Variants in GALNT18 observed in about 807,000 individuals in gnomAD.
GALNT18 encodes the protein GalNAc-transferase 18.
A neutral mutation model predicts 69.5 loss-of-function variants in GALNT18; 44 were observed. The ratio of observed to expected loss-of-function variants is 0.63; its 90% confidence interval spans 0.50 to 0.81. The LOEUF (loss-of-function observed/expected upper bound fraction) is 0.81, where lower values mean the gene tolerates loss of function less well. Among genes scored for constraint, GALNT18 ranks in the 40% least tolerant of loss-of-function variants. GALNT18 has a pLI of 0.00. For missense variants in GALNT18, 715 were observed against 810.0 expected (o/e 0.88, Z 1.42); for synonymous variants, 364 against 318.2 (o/e 1.14, Z -1.53).
chr11:11,529,796 G>A (rs532327576), intron 1 of GALNT18, among the ~76,000 whole-genome samples: 3 of 152,284 alleles, frequency 2.0e-5, no homozygotes, highest in African/African-American at 7.2e-5. Flanking sequence ...GTCTGTGAGT[G>A]TCTTAGAGAT....
Position 11,494,650 on chromosome 11 carries a change from C to CT in GALNT18, c.236-45715dup, listed in dbSNP as rs1856836042. 1.3e-5 allele frequency among the ~76,000 whole-genome samples: 2 copies of CT among 152,318 alleles called. No individual in the cohort carries two copies. Among genetic ancestry groups the CT allele is most frequent in the Admixed American group, 6.5e-5 (1 of 15,302 alleles). On this transcript the variant is annotated intron_variant, in intron 1 of 10. Transcript: ENST00000227756. The surrounding 1 kb of genome is among the most constrained non-coding windows in gnomAD (Gnocchi z 5.7). ...ACATGAATTTCTACACAGCCTCAGC[C>CT]TTTTTTGCTTTTAAGTGCAGAGGAT...
chr11:11,610,407 TTA>T (rs1320637493), intron 1 of GALNT18, among the ~76,000 whole-genome samples: 2 of 152,216 alleles, frequency 1.3e-5, no homozygotes, highest in East Asian at 3.9e-4. Context: ...ACAGGCCTGC[TTA>T]TGCGGTTAAG....
rs990083590 is a variant in GALNT18 at position 11,511,173 on chromosome 11, G to A, written c.236-62237C>T. 3.3e-5 allele frequency among the ~76,000 whole-genome samples: 5 copies of A among 152,148 alleles called. No homozygotes were observed. Among genetic ancestry groups the A allele is most frequent in the African/African-American group, 7.2e-5 (3 of 41,434 alleles). On this transcript the variant is annotated intron_variant, in intron 1 of 10. Coordinates refer to ENST00000227756, the MANE Select transcript of GALNT18 (RefSeq NM_198516.3). The surrounding 1 kb of genome is among the most constrained non-coding windows in gnomAD (Gnocchi z 4.9). ...CCTTTTGGACTGAATGAGGTTTCTCGCTGTGAATAATGGCATTGAAGTATT... is the reference window on the plus strand; with the variant it reads ...CCTTTTGGACTGAATGAGGTTTCTCACTGTGAATAATGGCATTGAAGTATT...
chr11:11,283,396 C>T (rs1356437556), intron 10 of GALNT18, among the ~76,000 whole-genome samples: 1 of 152,192 alleles, frequency 6.6e-6, no homozygotes, highest in Non-Finnish European at 1.5e-5. Context: ...ATCTGCCTGC[C>T]TCAGCCTCCC....
chr11:11,512,724 G>C (rs549905387), intron 1 of GALNT18, among the ~76,000 whole-genome samples: 1 of 152,156 alleles, frequency 6.6e-6, no homozygotes, highest in African/African-American at 2.4e-5. Flanking sequence ...AGAGTCTGGC[G>C]GCACCTGAGG....
chr11:11,492,379 G>A (rs544375467), intron 1 of GALNT18, among the ~76,000 whole-genome samples: 1 of 152,338 alleles, frequency 6.6e-6, no homozygotes, highest in South Asian at 2.1e-4. Context: ...TGCCATAGAA[G>A]CTGAGAATGC....
chr11:11,507,773 A>G (rs1857093466), intron 1 of GALNT18, among the ~76,000 whole-genome samples: 1 of 152,190 alleles, frequency 6.6e-6, no homozygotes, highest in Admixed American at 6.5e-5. Flanking sequence ...GAGTCAGTGG[A>G]CTGGGAAAGG....
rs532962139 is a variant in GALNT18, at chr11:11,602,121, C to T, written c.235+19238G>A. On this transcript the variant is annotated intron_variant, in intron 1 of 10. Coordinates refer to ENST00000227756, the MANE Select transcript of GALNT18 (RefSeq NM_198516.3). This position sits in a 1 kb window ranked among gnomAD's most constrained non-coding sequence, Gnocchi z 4.7. The stretch of plus-strand genomic sequence containing the variant: ...CTATCCCTGGGCAGAATATCTATAC[C>T]ACTGCTCTGGAGTTGTAAGTAGGAA... Among the ~76,000 whole-genome samples the T allele has an allele frequency of 6.6e-5, 10 of 152,248 alleles. No homozygotes were observed. In the East Asian group the frequency reaches 1.9e-3, roughly 29 times the overall value.
chr11:11,476,628 C>CT (rs774619780), intron 1 of GALNT18, among the ~76,000 whole-genome samples: 5 of 152,130 alleles, frequency 3.3e-5, no homozygotes, highest in East Asian at 1.9e-4. Flanking sequence ...TCAGGAAACT[C>CT]TTTTTCTGAA....
At chr11:11,508,189 T>C (rs1857103046) in intron 1 of GALNT18, among the ~76,000 whole-genome samples, 1 of 152,238 alleles carries the variant, frequency 6.6e-6, no homozygotes, top group Non-Finnish European at 1.5e-5. Context: ...TTGCTTGTTA[T>C]ATATCTTTTT....
intron 1 of GALNT18, among the ~76,000 whole-genome samples, chr11:11,548,384 A>G (rs1248398142): frequency 1.3e-5 from 2 of 152,218 alleles, no homozygotes; most frequent in Non-Finnish European, 2.9e-5. Flanking sequence ...ACAAGGAAAC[A>G]TCTTTCCAAC....
chr11:11,368,754 T>A (rs890806660), intron 6 of GALNT18, among the ~76,000 whole-genome samples: 1 of 152,250 alleles, frequency 6.6e-6, no homozygotes, highest in African/African-American at 2.4e-5. Context: ...CTCTTCTTTT[T>A]CTAAGTATAT....
At chr11:11,579,091 C>T (rs1265805437) in intron 1 of GALNT18, among the ~76,000 whole-genome samples, 2 of 152,220 alleles carry the variant, frequency 1.3e-5, no homozygotes, top group Non-Finnish European at 2.9e-5. Flanking sequence ...AGCACCCCAG[C>T]AGACACATAG....
intron 6 of GALNT18, among the ~76,000 whole-genome samples, chr11:11,350,249 C>T (rs966461944): frequency 6.6e-6 from 1 of 152,212 alleles, no homozygotes; most frequent in Non-Finnish European, 1.5e-5. Context: ...GCAAACTGGC[C>T]CATCCCATAC....
intron 1 of GALNT18, among the ~76,000 whole-genome samples, chr11:11,490,897 A>C (rs1856757071): frequency 6.6e-6 from 1 of 152,196 alleles, no homozygotes; most frequent in Non-Finnish European, 1.5e-5. Flanking sequence ...ATGCAACCTA[A>C]ATGCACTATT....
intron 10 of GALNT18, among the ~76,000 whole-genome samples, chr11:11,274,579 C>G (rs1334813874): frequency 6.6e-6 from 1 of 152,212 alleles, no homozygotes; most frequent in Non-Finnish European, 1.5e-5. Context: ...ACTTTAAGTT[C>G]TGAGGTACAT....
At chr11:11,440,447 T>C (rs1436140630) in intron 2 of GALNT18, among the ~76,000 whole-genome samples, 2 of 152,158 alleles carry the variant, frequency 1.3e-5, no homozygotes, top group Non-Finnish European at 2.9e-5. Context: ...GCAGGGCAGA[T>C]CTGCTGGGGC....
At chr11:11,486,306 C>T (rs568895376) in intron 1 of GALNT18, among the ~76,000 whole-genome samples, 8 of 152,264 alleles carry the variant, frequency 5.3e-5, no homozygotes, top group East Asian at 1.9e-4. Flanking sequence ...GAAGCCCATG[C>T]TGCATCAGGA....
At chr11:11,294,004 G>C (rs1849353181) in intron 9 of GALNT18, among the ~76,000 whole-genome samples, 1 of 152,178 alleles carries the variant, frequency 6.6e-6, no homozygotes, top group South Asian at 2.1e-4. Flanking sequence ...ACAAATGTTT[G>C]GTTTTCTGGG....
Sources: gnomAD v4.1 joint callset for allele counts (sites outside exome capture counted in the v4.1 genomes callset) on GRCh38, gnomAD v4.1.1 for gene constraint, Gnocchi (gnomAD v3.1) non-coding constraint, MANE v1.5 for transcripts, NCBI Gene and HGNC (gene_info 2026-07-23, HGNC 2026-07-21) for gene names.